The following COPS2 variants were observed in gnomAD, a reference collection of about 807,000 sequenced individuals.
The protein encoded by COPS2 is COP9 signalosome complex subunit 2.
A neutral mutation model predicts 66.1 loss-of-function variants in COPS2; 10 were observed. The observed-to-expected ratio is 0.15, with a 90% CI of 0.09 to 0.26. The LOEUF is 0.26. Among genes scored for constraint, COPS2 ranks in the 10% least tolerant of loss-of-function variants. The pLI is 1.00. For missense variants in COPS2, 215 were observed against 513.3 expected (o/e 0.42, Z 5.62); for synonymous variants, 179 against 171.3 (o/e 1.04, Z -0.35).
At chr15:49,137,262 C>CA (rs1209778499) in intron 5 of COPS2, 35 bp from the exon 6 acceptor site, 1 of 1,552,682 alleles carries the variant, frequency 6.4e-7, no homozygotes, top group Non-Finnish European at 8.8e-7. Flanking sequence ...ATCAAGATTT[C>CA]AACAGAAGAT....
rs1249444635 is a variant in COPS2 at position 49,126,237 on chromosome 15, C to T, written c.*1713G>A. ...AGACATTTTGTCTTTTGTTTTCTTT[C>T]CGTTTTCTACAATTTCCAACTTGTA... On this transcript the variant is annotated 3_prime_UTR_variant, in exon 13 of 13. Coordinates refer to ENST00000388901, the MANE Select transcript of COPS2 (RefSeq NM_004236.4). 1 of 152,384 alleles carries T rather than the reference C, an allele frequency of 6.6e-6. No homozygotes were observed. The highest frequency in any genetic ancestry group is 1.9e-4 in the East Asian group (1 of 5,200). The allele number at this position is 152,384 out of a possible 1,614,324, so 9.4% of individuals were successfully genotyped here.
chr15:49,145,113 A>C (rs2084312636), intron 1 of COPS2, 35 bp from the exon 2 acceptor site: 2 of 1,200,208 alleles, frequency 1.7e-6, no homozygotes, highest in Non-Finnish European at 2.4e-6. Context: ...AAAAGAAAAA[A>C]AGAAAAGAAA....
At position 49,134,528 on chromosome 15, in the gene COPS2, T is replaced by C; in HGVS notation, c.541-14A>G. On this transcript the variant is annotated splice_polypyrimidine_tract_variant and intron_variant, in intron 6 of 12. Transcript: ENST00000388901. ...TCCATCATCAGTCTAGGAAAGCAAA[T>C]ATTTAACTTTAGACAAGATAGAATT... 6.3e-7 allele frequency: 1 copy of C among 1,589,230 alleles called. No individual in the cohort carries two copies. Among genetic ancestry groups the C allele is most frequent in the African/African-American group, 1.4e-5 (1 of 74,004 alleles).
chr15:49,147,971 T>C (rs2084332924), intron 1 of COPS2, among the ~76,000 whole-genome samples: 1 of 152,212 alleles, frequency 6.6e-6, no homozygotes, highest in Admixed American at 6.5e-5. Context: ...CTTGTTATGA[T>C]CTGCAACGCC....
At chr15:49,146,668 G>A (rs973312760) in intron 1 of COPS2, among the ~76,000 whole-genome samples, 3 of 152,002 alleles carry the variant, frequency 2.0e-5, no homozygotes, top group Non-Finnish European at 2.9e-5. Context: ...CGAACCCCCT[G>A]CCTGCTACCA....
At chr15:49,137,128 GA>G (rs751242304) in intron 6 of COPS2, 21 bp downstream of exon 6, 12 of 1,492,948 alleles carry the variant, frequency 8.0e-6, no homozygotes, top group African/African-American at 5.7e-5. Flanking sequence ...GAAATATTCA[GA>G]AAAAAATAAG....
Position 49,124,785 on chromosome 15 carries a change from T to A in COPS2, c.*3165A>T, listed in dbSNP as rs1445445434. 1 of 152,102 alleles carries A rather than the reference T, an allele frequency of 6.6e-6. No homozygotes were observed. The highest frequency in any genetic ancestry group is 6.6e-5 in the Admixed American group (1 of 15,266). The allele number at this position is 152,102 out of a possible 1,614,324, so 9.4% of individuals were successfully genotyped here. A position where few individuals can be genotyped will look rare whatever the true frequency, so the allele number is the denominator to read the frequency against. On this transcript the variant is annotated 3_prime_UTR_variant, in exon 13 of 13. Coordinates refer to ENST00000388901, the MANE Select transcript of COPS2 (RefSeq NM_004236.4). ...TCAAAAATCTAAATCAAAAGAGAAA[T>A]TTTCAGGTTTAAAAGTGACTAAAAT...
chr15:49,139,219 TTAATG>T (rs1595822515), intron 4 of COPS2: 1 of 214,292 alleles, frequency 4.7e-6, no homozygotes, highest in East Asian at 1.5e-4. Context: ...AGCTAAAGTG[TTAATG>T]TAGTTTATTA....
chr15:49,147,216 T>G (rs11635455), intron 1 of COPS2, among the ~76,000 whole-genome samples: 28,378 of 152,122 alleles, frequency 0.19, 2,803 homozygotes, highest in Non-Finnish European at 0.21. Context: ...AAAACTTCAC[T>G]TAACAGTGTT....
At chr15:49,141,244 G>A (rs1372131086) in intron 3 of COPS2, among the ~76,000 whole-genome samples, 1 of 152,188 alleles carries the variant, frequency 6.6e-6, no homozygotes, top group African/African-American at 2.4e-5. Context: ...GCTCACTCCT[G>A]TAATCCCAGC....
intron 9 of COPS2, among the ~76,000 whole-genome samples, chr15:49,132,844 T>C (rs1043307972): frequency 6.6e-6 from 1 of 152,154 alleles, no homozygotes; most frequent in Admixed American, 6.5e-5. Flanking sequence ...TTTTGTCGAA[T>C]ATTAATTGAC....
chr15:49,152,491 T>C (rs1375815666), intron 1 of COPS2, among the ~76,000 whole-genome samples: 1 of 152,048 alleles, frequency 6.6e-6, no homozygotes, highest in African/African-American at 2.4e-5. Flanking sequence ...TTCATTTCAT[T>C]ATGTGGTAGT....
At chr15:49,129,414 A>T in intron 11 of COPS2, 63 bp downstream of exon 11, 1 of 588,700 alleles carries the variant, frequency 1.7e-6, no homozygotes, top group Non-Finnish European at 2.7e-6. Flanking sequence ...TAAATGCAAG[A>T]CTGGTATACT....
intron 9 of COPS2, among the ~76,000 whole-genome samples, chr15:49,131,027 A>C (rs1293528615): frequency 6.6e-6 from 1 of 152,188 alleles, no homozygotes; most frequent in East Asian, 1.9e-4. Context: ...TTTTTAAAAG[A>C]AAGATTAAAT....
intron 12 of COPS2, among the ~76,000 whole-genome samples, 169 bp from the exon 13 acceptor site, chr15:49,128,263 T>G (rs557312234): frequency 6.6e-6 from 1 of 152,182 alleles, no homozygotes; most frequent in African/African-American, 2.4e-5. Context: ...AAACTCTAGA[T>G]AGAAACCAGA....
At chr15:49,152,547 T>A (rs2141135490) in intron 1 of COPS2, among the ~76,000 whole-genome samples, 1 of 152,268 alleles carries the variant, frequency 6.6e-6, no homozygotes, top group South Asian at 2.1e-4. Context: ...CAAGGCTGGT[T>A]GTGGTGACTA....
chr15:49,146,219 C>T (rs532515079), intron 1 of COPS2, among the ~76,000 whole-genome samples: 2 of 152,176 alleles, frequency 1.3e-5, no homozygotes, highest in Admixed American at 6.5e-5. Context: ...TAATTCCTTC[C>T]TCGTGTGAAG....
intron 12 of COPS2, 132 bp from the exon 13 acceptor site, chr15:49,128,226 G>C (rs2084183419): frequency 1.3e-6 from 1 of 763,706 alleles, no homozygotes; most frequent in African/African-American, 1.8e-5. Flanking sequence ...TGAGTTCAGT[G>C]TTAGTTTTAA....
Position 49,150,261 on chromosome 15 carries a change from AAT to A in COPS2, c.55-5185_55-5184del, listed in dbSNP as rs1260295471. ...AGACTCTATCTCAAAAAAAAAAAAAAATAAATAAAAATAAAAAAATAAATAAA... is the reference window on the plus strand; with the variant it reads ...AGACTCTATCTCAAAAAAAAAAAAAAAAATAAAAATAAAAAAATAAATAAA... On this transcript the variant is annotated intron_variant, in intron 1 of 12. Transcript: ENST00000388901. Among the ~76,000 whole-genome samples the A allele has an allele frequency of 3.1e-3, 433 of 140,346 alleles. 2 individuals are homozygous for A. Among genetic ancestry groups the A allele is most frequent in the African/African-American group, 0.012 (406 of 34,478 alleles). 92.1% of individuals were successfully genotyped at this position (140,346 alleles called of 152,430 possible).
Sources: allele counts gnomAD v4.1 joint callset (sites outside exome capture counted in the v4.1 genomes callset), GRCh38; gene constraint gnomAD v4.1.1; transcripts MANE v1.5; gene names NCBI Gene and HGNC (gene_info 2026-07-23, HGNC 2026-07-21).